Variants in NRXN1 observed in about 807,000 individuals in gnomAD.
NRXN1 encodes neurexin 1.
A neutral mutation model predicts 150.9 loss-of-function variants in NRXN1; 39 were observed. The observed-to-expected ratio is 0.26, with a 90% CI of 0.20 to 0.34. NRXN1 has a LOEUF of 0.34. NRXN1 is among the 10% of genes least tolerant of loss of function. The pLI is 1.00. For missense variants in NRXN1, 1,815 were observed against 1,949.9 expected, an observed-to-expected ratio of 0.93 and a Z score of 1.30; for synonymous variants, 924 against 757.0, an observed-to-expected ratio of 1.22 and a Z score of -3.62.
chr2:50,159,321 C>T (rs1026703021), intron 18 of NRXN1, among the ~76,000 whole-genome samples: 3 of 152,088 alleles, frequency 2.0e-5, no homozygotes, highest in African/African-American at 7.2e-5. Context: ...AAGCATATTG[C>T]TCAGAATGGA....
At chr2:50,850,543 C>G (rs534187331) in intron 5 of NRXN1, among the ~76,000 whole-genome samples, 1 of 152,090 alleles carries the variant, frequency 6.6e-6, no homozygotes. Flanking sequence ...GCAGCCAGCA[C>G]CACGCTATCA....
chr2:50,501,633 A>G, intron 13 of NRXN1, among the ~76,000 whole-genome samples: 1 of 142,610 alleles, frequency 7.0e-6, no homozygotes, highest in East Asian at 1.9e-4. Flanking sequence ...AAGGACATAC[A>G]CACACAGATT....
At chr2:50,282,282 T>C (rs2071563504) in intron 17 of NRXN1, among the ~76,000 whole-genome samples, 1 of 152,174 alleles carries the variant, frequency 6.6e-6, no homozygotes, top group African/African-American at 2.4e-5. Flanking sequence ...AGGAGAGATG[T>C]AGTTCTATTT....
At chr2:50,019,641 C>CAAAAAAAAAAAAAAAAAA (rs764073226) in intron 21 of NRXN1, among the ~76,000 whole-genome samples, 3 of 25,554 alleles carry the variant, frequency 1.2e-4, no homozygotes, top group Non-Finnish European at 1.9e-4. Context: ...GATTCCGTCT[C>CAAAAAAAAAAAAAAAAAA]AAAAAAAAAA....
At chr2:50,128,266 A>T (rs1041581557) in intron 18 of NRXN1, among the ~76,000 whole-genome samples, 1 of 152,202 alleles carries the variant, frequency 6.6e-6, no homozygotes, top group Admixed American at 6.5e-5. Context: ...AAAAGAAAAA[A>T]GAGATAGAGA....
chr2:50,906,788 G>A (rs1387202879), intron 5 of NRXN1, among the ~76,000 whole-genome samples: 1 of 151,876 alleles, frequency 6.6e-6, no homozygotes, highest in Non-Finnish European at 1.5e-5. Flanking sequence ...AAATATAATG[G>A]CACCACAATG....
At chr2:50,765,938 G>A (rs1702332859) in intron 5 of NRXN1, among the ~76,000 whole-genome samples, 1 of 151,984 alleles carries the variant, frequency 6.6e-6, no homozygotes, top group East Asian at 1.9e-4. Context: ...ATAGTGAAAA[G>A]TCTCAGTGAC....
intron 17 of NRXN1, among the ~76,000 whole-genome samples, chr2:50,334,192 A>ATTTTTTATATATATAT (rs1553457970): frequency 8.4e-6 from 1 of 118,982 alleles, no homozygotes; most frequent in South Asian, 2.6e-4. Flanking sequence ...ACCAGGACCA[A>ATTTTTTATATATATAT]ATATATATAT....
In NRXN1 at chr2:50,668,801, T is replaced by C. The variant is rs577062653; in HGVS notation, c.833-45186A>G. Reference sequence around the variant, plus strand: ...TTTGTGCCTTAGAGATACAGCATTATGGAATAGGAATTTCAGGTGGGAATT... The same window carrying C: ...TTTGTGCCTTAGAGATACAGCATTACGGAATAGGAATTTCAGGTGGGAATT... On this transcript the variant is annotated intron_variant, in intron 5 of 22. Transcript: ENST00000401669. 4.6e-5 allele frequency among the ~76,000 whole-genome samples: 7 copies of C among 152,084 alleles called. No individual in the cohort carries two copies. In the East Asian group the frequency reaches 5.8e-4, roughly 13 times the overall value.
At chr2:50,744,440 T>C (rs140861992) in intron 5 of NRXN1, among the ~76,000 whole-genome samples, 1 of 152,222 alleles carries the variant, frequency 6.6e-6, no homozygotes, top group East Asian at 1.9e-4. Flanking sequence ...TATAACAAGA[T>C]ATAATTAATA....
At chr2:50,830,735 A>T (rs1213246250) in intron 5 of NRXN1, among the ~76,000 whole-genome samples, 3 of 149,918 alleles carry the variant, frequency 2.0e-5, no homozygotes, top group Non-Finnish European at 4.4e-5. Context: ...GATTCCTATA[A>T]GAGGTCTCAT....
rs1574467644 is a variant in NRXN1, at chr2:50,201,824, C to A, written c.3546+34965G>T. 1.3e-5 allele frequency among the ~76,000 whole-genome samples: 2 copies of A among 152,288 alleles called. 1 individual carries two copies. The highest frequency in any genetic ancestry group is 6.8e-3 in the Middle Eastern group (2 of 294). ...TAGACAGCCAAAGGCTTGAGTAGGG[C>A]TGGAACATTAGCTTCCAAGGTAGTG... is the stretch of plus-strand genomic sequence containing the variant. On this transcript the variant is annotated intron_variant, in intron 18 of 22. Transcript: ENST00000401669.
At position 50,071,417 on chromosome 2, in the gene NRXN1, T is replaced by C. The variant is rs74812539; in HGVS notation, c.3719-16373A>G. 7.6e-3 allele frequency among the ~76,000 whole-genome samples: 1,160 copies of C among 152,280 alleles called. 8 individuals are homozygous for C. Among genetic ancestry groups the C allele is most frequent in the African/African-American group, 0.026 (1,072 of 41,554 alleles). On this transcript the variant is annotated intron_variant, in intron 19 of 22. Transcript: ENST00000401669. ...AGAGACTTTAAGGAGGTGATTAAGT[T>C]AAAATGAGGCTGTTACGGTGGATCC...
intron 5 of NRXN1, among the ~76,000 whole-genome samples, chr2:50,796,318 C>A (rs967034607): frequency 6.6e-6 from 1 of 152,164 alleles, no homozygotes; most frequent in Non-Finnish European, 1.5e-5. Flanking sequence ...TTAACCACTT[C>A]ATCATATTTG....
intron 17 of NRXN1, among the ~76,000 whole-genome samples, chr2:50,250,450 C>T (rs1036839939): frequency 6.7e-6 from 1 of 150,024 alleles, no homozygotes; most frequent in South Asian, 2.1e-4. Context: ...TTTTTTTTAG[C>T]GGAAGCTGAT....
chr2:50,485,785 C>G (rs1195407271), intron 15 of NRXN1, among the ~76,000 whole-genome samples: 2 of 152,192 alleles, frequency 1.3e-5, no homozygotes, highest in Admixed American at 1.3e-4. Context: ...TTGGATGAAC[C>G]CAAGAATGCA....
intron 18 of NRXN1, among the ~76,000 whole-genome samples, chr2:50,132,304 C>CTTT (rs1212573949): frequency 1.1e-5 from 1 of 92,370 alleles, no homozygotes; most frequent in Non-Finnish European, 2.3e-5. Flanking sequence ...TGTCCCAAAA[C>CTTT]TCTTTTTTTT....
chr2:50,119,277 G>T (rs376856094), intron 18 of NRXN1, among the ~76,000 whole-genome samples: 5 of 152,196 alleles, frequency 3.3e-5, no homozygotes, highest in South Asian at 2.1e-4. Flanking sequence ...TTTAAGAAAA[G>T]AATGTAAACA....
chr2:49,988,525 G>A (rs560739108), intron 21 of NRXN1, among the ~76,000 whole-genome samples: 5 of 150,398 alleles, frequency 3.3e-5, no homozygotes, highest in African/African-American at 9.8e-5. Context: ...GAATCACAAA[G>A]TACATGGCCA....
Sources: gnomAD v4.1 joint callset for allele counts (sites outside exome capture counted in the v4.1 genomes callset) on GRCh38, gnomAD v4.1.1 for gene constraint, MANE v1.5 for transcripts, NCBI Gene and HGNC (gene_info 2026-07-23, HGNC 2026-07-21) for gene names.